ALDH4A1: variants seen among roughly 807,000 people sequenced by gnomAD.
ALDH4A1 encodes aldehyde dehydrogenase 4 family member A1.
ALDH4A1 carries 46 observed loss-of-function variants against 70.5 expected under a neutral mutation model. The ratio of observed to expected loss-of-function variants is 0.65; its 90% CI spans 0.51 to 0.83. ALDH4A1 has a LOEUF of 0.83. Ranked by LOEUF, ALDH4A1 falls within the 40% of genes least tolerant of loss-of-function variation. The pLI, the probability that ALDH4A1 is intolerant of heterozygous loss-of-function variation, is 0.00. For missense variants in ALDH4A1, 749 were observed against 766.5 expected (o/e 0.98, Z 0.27); for synonymous variants, 323 against 324.3 (o/e 1.00, Z 0.04).
intron 1 of ALDH4A1, among the ~76,000 whole-genome samples, chr1:18,893,948 T>A (rs28709274): frequency 0.46 from 69,803 of 152,098 alleles, 17,618 homozygotes; most frequent in Admixed American, 0.58. Flanking sequence ...CCGGTGGCCA[T>A]CCTCAAGTTC....
intron 11 of ALDH4A1, 91 bp downstream of exon 11, chr1:18,877,117 C>T (rs1389911129): frequency 6.6e-7 from 1 of 1,505,772 alleles, no homozygotes; most frequent in Non-Finnish European, 9.1e-7. Context: ...TGGGTCATGC[C>T]CTGGGTCAGG....
At chr1:18,892,437 G>C (rs574343469) in intron 1 of ALDH4A1, among the ~76,000 whole-genome samples, 2 of 152,106 alleles carry the variant, frequency 1.3e-5, no homozygotes, top group Non-Finnish European at 2.9e-5. Context: ...GGCAAACAAG[G>C]GGGAGAATAG....
At chr1:18,893,973 C>T (rs540950935) in intron 1 of ALDH4A1, among the ~76,000 whole-genome samples, 1 of 152,360 alleles carries the variant, frequency 6.6e-6, no homozygotes, top group South Asian at 2.1e-4. Flanking sequence ...CTCGAATAAA[C>T]TACTTAATCC....
chr1:18,898,487 A>G lies in ALDH4A1; in HGVS notation c.62+3975T>C, dbSNP rs760794892. 1.3e-5 allele frequency among the ~76,000 whole-genome samples: 2 copies of G among 152,154 alleles called. No individual in the cohort carries two copies. The highest frequency in any genetic ancestry group is 6.5e-5 in the Admixed American group (1 of 15,278). ...CTGCTGTCTTGATATTCCTGATCGA[A>G]GATGATCACTCCAGGAAGCCCATTG... On this transcript the variant is annotated intron_variant, in intron 1 of 14. Transcript: ENST00000375341. The surrounding 1 kb of genome is among the most constrained non-coding windows in gnomAD (Gnocchi z 4.3).
At chr1:18,887,057 C>T (rs573906149) in intron 3 of ALDH4A1, among the ~76,000 whole-genome samples, 2 of 152,224 alleles carry the variant, frequency 1.3e-5, no homozygotes, top group Admixed American at 6.5e-5. Context: ...TTGGGACTTC[C>T]GCCCTGCCCC....
In ALDH4A1 at chr1:18,883,328, G is replaced by A; in HGVS notation, c.554C>T (p.Pro185Leu). Residue 185 changes from proline (P) to leucine (L), a missense_variant, in exon 6 of 15, where the codon CCC (proline) becomes CTC (leucine). Coordinates refer to ENST00000375341, the MANE Select transcript of ALDH4A1 (RefSeq NM_003748.4). ...KYAVELEGQQ[P>L]ISVPPSTNST... ...GTTGGTGCTCGGGGGCACGCTGATGGGCTGCTGCCCCTCCAGCTCCACCGC... is the reference window on the plus strand; with the variant it reads ...GTTGGTGCTCGGGGGCACGCTGATGAGCTGCTGCCCCTCCAGCTCCACCGC... 6.2e-7 allele frequency: 1 copy of A among 1,613,302 alleles called. No individual in the cohort carries two copies. The highest frequency in any genetic ancestry group is 2.2e-5 in the East Asian group (1 of 44,886).
rs1934758933 is a variant in ALDH4A1, at chr1:18,877,500, G to A, written c.1053C>T (p.Cys351=). 1.9e-6 allele frequency: 3 copies of A among 1,607,866 alleles called. No individual in the cohort carries two copies. Among genetic ancestry groups the A allele is most frequent in the Middle Eastern group, 1.7e-4 (1 of 5,932 alleles). The change falls in exon 10 of 15, where the codon TGC becomes TGT. Residue 351 remains cysteine, a synonymous_variant. Transcript: ENST00000375341. Reference sequence around the variant, plus strand: ...GCGAGTGCGGCACGTAGAGACGCGAGCACGCGGAACACTTCTGGCCACCGT... The same window carrying A: ...GCGAGTGCGGCACGTAGAGACGCGAACACGCGGAACACTTCTGGCCACCGT... ...FEYGGQKCSA[C]SRLYVPHSLW... is the part of the protein sequence containing the mutation.
Position 18,881,865 on chromosome 1 carries a change from G to A in ALDH4A1, c.701C>T (p.Pro234Leu), listed in dbSNP as rs1239146205. 6.2e-7 allele frequency: 1 copy of A among 1,613,668 alleles called. No individual in the cohort carries two copies. The highest frequency in any genetic ancestry group is 8.5e-7 in the Non-Finnish European group (1 of 1,180,030). The change falls in exon 8 of 15, where the codon CCC becomes CTC. Residue 234 changes from proline to leucine, a missense_variant. Coordinates refer to ENST00000375341, the MANE Select transcript of ALDH4A1 (RefSeq NM_003748.4). ...GCTGGCCAGCATGGCAGTGTCACTG[G>A]GCTTCCATAGGACCACGTTGCCCTG... ...ALMGNVVLWK[P>L]SDTAMLASYA...
chr1:18,888,083 G>A lies in ALDH4A1; in HGVS notation c.249+1279C>T, dbSNP rs140489978. On this transcript the variant is annotated intron_variant, in intron 3 of 14. Transcript: ENST00000375341. ...CTTTCCTGTCTAAAAGAGTAGCCAC[G>A]AGCCACATTTCACATGCTCAACAAC... 1.2e-4 allele frequency among the ~76,000 whole-genome samples: 19 copies of A among 152,274 alleles called. No homozygotes were observed. The East Asian group carries it at 1.5e-3, about 12-fold the overall frequency.
intron 1 of ALDH4A1, among the ~76,000 whole-genome samples, chr1:18,900,290 G>A (rs564076078): frequency 6.6e-5 from 10 of 152,188 alleles, no homozygotes; most frequent in Non-Finnish European, 1.2e-4. Flanking sequence ...AGTTTTACAC[G>A]TAGGACACTG....
chr1:18,886,165 A>G (rs1383836337), intron 4 of ALDH4A1, among the ~76,000 whole-genome samples: 1 of 152,116 alleles, frequency 6.6e-6, no homozygotes, highest in East Asian at 1.9e-4. Flanking sequence ...TCAGCCTTCC[A>G]GAATCCACCT....
chr1:18,886,880 C>T (rs1280760277), intron 3 of ALDH4A1, among the ~76,000 whole-genome samples: 2 of 152,162 alleles, frequency 1.3e-5, no homozygotes, highest in African/African-American at 4.8e-5. Flanking sequence ...ACTTCCTTCC[C>T]TAAGTCTCTT....
chr1:18,878,491 G>A (rs1011984473), intron 9 of ALDH4A1, among the ~76,000 whole-genome samples: 1 of 152,054 alleles, frequency 6.6e-6, no homozygotes, highest in Non-Finnish European at 1.5e-5. Context: ...CCCAATTCAC[G>A]CCACAGAGAA....
chr1:18,886,431 A>T, intron 4 of ALDH4A1, 33 bp downstream of exon 4: 1 of 1,612,646 alleles, frequency 6.2e-7, no homozygotes, highest in East Asian at 2.2e-5. Context: ...AGCAACCCTA[A>T]CCCCGGGTCA....
Position 18,879,334 on chromosome 1 carries a change from C to A in ALDH4A1, c.906G>T (p.Leu302=). The change falls in exon 9 of 15, where the codon CTG becomes CTT. Residue 302 remains leucine, a synonymous_variant. Coordinates refer to ENST00000375341, the MANE Select transcript of ALDH4A1 (RefSeq NM_003748.4). ...KHLWKQVAQN[L]DRFHTFPRLA... is the part of the protein sequence containing the mutation. ...GGCGTGGGAAGGTGTGGAACCGGTC[C>A]AGGTTCTGGGCCACCTGCTTCCACA... is the stretch of plus-strand genomic sequence containing the variant. 1 of 1,611,452 alleles carries A rather than the reference C, an allele frequency of 6.2e-7. No homozygotes were observed. Among genetic ancestry groups the A allele is most frequent in the Non-Finnish European group, 8.5e-7 (1 of 1,179,040 alleles).
intron 1 of ALDH4A1, among the ~76,000 whole-genome samples, chr1:18,894,361 C>G (rs1935543617): frequency 6.6e-6 from 1 of 152,084 alleles, no homozygotes; most frequent in Admixed American, 6.5e-5. Flanking sequence ...GCCAACATGG[C>G]AAAACACCAT....
At chr1:18,886,426 C>T in intron 4 of ALDH4A1, 38 bp downstream of exon 4, 1 of 1,612,162 alleles carries the variant, frequency 6.2e-7, no homozygotes, top group African/African-American at 1.3e-5. Flanking sequence ...GGGGCAGCAA[C>T]CCTAACCCCG....
In ALDH4A1 at chr1:18,874,467, G is replaced by A. The variant is rs200337577; in HGVS notation, c.1575C>T (p.Ala525=). The A allele has an allele frequency of 6.2e-7, 1 of 1,613,944 alleles. No homozygotes were observed. The highest frequency in any genetic ancestry group is 2.2e-5 in the East Asian group (1 of 44,876). The change falls in exon 14 of 15, where the codon GCC becomes GCT. Residue 525 remains alanine, a synonymous_variant. Coordinates refer to ENST00000375341, the MANE Select transcript of ALDH4A1 (RefSeq NM_003748.4). ...VGQQPFGGAR[A]SGTNDKPGGP... ...TGGGAAGGGGGACCCACTCACCAGA[G>A]GCTCGGGCCCCCCCAAAGGGCTGCT...
chr1:18,897,874 C>A (rs142361958), intron 1 of ALDH4A1, among the ~76,000 whole-genome samples: 2 of 152,204 alleles, frequency 1.3e-5, no homozygotes, highest in South Asian at 4.1e-4. Flanking sequence ...TGCCCAAGGT[C>A]ACTCAGCTGT....
Sources: allele counts gnomAD v4.1 joint callset (sites outside exome capture counted in the v4.1 genomes callset), GRCh38; gene constraint gnomAD v4.1.1; non-coding constraint Gnocchi (gnomAD v3.1); transcripts MANE v1.5; gene names NCBI Gene and HGNC (gene_info 2026-07-23, HGNC 2026-07-21).